Variants in METTL3 observed in about 807,000 individuals in gnomAD.
METTL3 encodes methyltransferase 3, N6-adenosine-methyltransferase complex catalytic subunit, also known as N(6)-adenosine-methyltransferase catalytic subunit METTL3.
METTL3 carries 42 observed loss-of-function variants against 64.3 expected under a neutral mutation model. That is an observed-to-expected ratio of 0.65 (90% CI 0.51 to 0.84). METTL3 has a LOEUF of 0.84. METTL3 is among the 40% of genes least tolerant of loss of function. The probability of loss-of-function intolerance (pLI) is 0.00; values close to 1 mark genes in which losing one functional copy is unlikely to be tolerated. For synonymous variants in METTL3, 256 were observed against 263.6 expected, an observed-to-expected ratio of 0.97 and a Z score of 0.28; for missense variants, 435 against 722.3, an observed-to-expected ratio of 0.60 and a Z score of 4.56.
At chr14:21,499,394 T>G (rs1347359374) in intron 8 of METTL3, 23 bp from the exon 9 acceptor site, 2 of 1,613,814 alleles carry the variant, frequency 1.2e-6, no homozygotes, top group East Asian at 2.2e-5. Context: ...GATAACAGAT[T>G]ACCTTATGAA....
chr14:21,503,646 ACT>A lies in METTL3; in HGVS notation c.318+16_318+17del, dbSNP rs774014676. 1.8e-5 allele frequency: 29 copies of A among 1,613,894 alleles called. No homozygotes were observed. The Middle Eastern group carries it at 6.6e-4, about 37-fold the overall frequency. On this transcript the variant is annotated intron_variant, in intron 2 of 10. Coordinates refer to ENST00000298717, the MANE Select transcript of METTL3 (RefSeq NM_019852.5). ...AACTGAAAATAAGTGGTAAATCCTA[ACT>A]CTGTCAGGTCATTACCGTGGAGATG...
Position 21,503,281 on chromosome 14 carries a change from T to C in METTL3, c.615A>G (p.Pro205=). Residue 205 remains proline, a synonymous_variant, in exon 3 of 11, where the codon CCA becomes CCG. Transcript: ENST00000298717. The stretch of plus-strand genomic sequence containing the variant: ...TTGATTTCTTGGCTGGCTCCTTTGC[T>C]GGTTCCGATGCTGAAGAGTTCAGAC... ...VSGLNSSASE[P]AKEPAKKSRK... 2 of 1,614,208 alleles carry C rather than the reference T, an allele frequency of 1.2e-6. No individual in the cohort carries two copies. The highest frequency in any genetic ancestry group is 1.7e-6 in the Non-Finnish European group (2 of 1,180,036).
chr14:21,498,311 G>A lies in METTL3; in HGVS notation c.1690C>T (p.Arg564Trp), dbSNP rs200568556. 18 of 1,613,986 alleles carry A rather than the reference G, an allele frequency of 1.1e-5. No individual in the cohort carries two copies. In the African/African-American group the frequency reaches 1.2e-4, roughly 11 times the overall value. The part of the protein sequence containing the change: ...IHLLDPDVVA[R>W]FKQRYPDGII... ...CCATCTGGGTACCTTTGCTTGAACC[G>A]TGCAACCACATCTGGGTCTAGTAGG... Residue 564 changes from arginine to tryptophan, a missense_variant, in exon 11 of 11, where the codon CGG becomes TGG. Arg to Trp is a moderately radical substitution (Grantham distance 101). Coordinates refer to ENST00000298717, the MANE Select transcript of METTL3 (RefSeq NM_019852.5).
rs1170387466 is a variant in METTL3 at position 21,501,795 on chromosome 14, A to G, written c.832T>C (p.Tyr278His). The stretch of plus-strand genomic sequence containing the variant: ...TTCATGCACTCCTCCTTGGTTCCAT[A>G]GTCACAGAATTCTTGCACTTGGGCC... ...GRAQVQEFCD[Y>H]GTKEECMKAS... The change falls in exon 4 of 11, where the codon TAT becomes CAT. Residue 278 changes from tyrosine to histidine, a missense_variant. Tyr to His is a moderately conservative substitution (Grantham distance 83). Coordinates refer to ENST00000298717, the MANE Select transcript of METTL3 (RefSeq NM_019852.5). 6.2e-6 allele frequency: 10 copies of G among 1,614,058 alleles called. No homozygotes were observed. The highest frequency in any genetic ancestry group is 8.5e-6 in the Non-Finnish European group (10 of 1,180,030).
intron 1 of METTL3, among the ~76,000 whole-genome samples, chr14:21,508,604 G>A (rs1227491261): frequency 6.6e-6 from 1 of 152,106 alleles, no homozygotes; most frequent in Non-Finnish European, 1.5e-5. Flanking sequence ...AAAGTATAAA[G>A]AAGTATGATG....
intron 1 of METTL3, chr14:21,504,240 G>T: frequency 4.5e-6 from 1 of 220,640 alleles, no homozygotes; most frequent in Admixed American, 5.2e-5. Flanking sequence ...AACAACCTAG[G>T]CTGGGATCCA....
chr14:21,502,665 G>A (rs1479470506), intron 3 of METTL3: 3 of 155,602 alleles, frequency 1.9e-5, no homozygotes, highest in East Asian at 1.9e-4. Flanking sequence ...TCAAACTCAC[G>A]CACTAGAAGT....
At chr14:21,501,504 G>A (rs997200530) in intron 4 of METTL3, 7 of 601,306 alleles carry the variant, frequency 1.2e-5, no homozygotes, top group Non-Finnish European at 2.0e-5. Flanking sequence ...GCTATTCTAA[G>A]AGGGAGGGAG....
chr14:21,503,159 C>T lies in METTL3; in HGVS notation c.723+14G>A. On this transcript the variant is annotated intron_variant, in intron 3 of 10. Transcript: ENST00000298717. The stretch of plus-strand genomic sequence containing the variant: ...TAAGAGCATATTGTGAGAGTATTTT[C>T]ACATGACCCCTACCTTCTTGCTCTG... 6.3e-7 allele frequency: 1 copy of T among 1,593,446 alleles called. No homozygotes were observed. The highest frequency in any genetic ancestry group is 8.5e-7 in the Non-Finnish European group (1 of 1,170,260).
Position 21,511,336 on chromosome 14 carries a change from A to C in METTL3, c.-113T>G, listed in dbSNP as rs774276436. 1 of 1,464,108 alleles carries C rather than the reference A, an allele frequency of 6.8e-7. No homozygotes were observed. The highest frequency in any genetic ancestry group is 9.1e-7 in the Non-Finnish European group (1 of 1,101,856). The allele number at this position is 1,464,108 out of a possible 1,614,324, so 90.7% of individuals were successfully genotyped here. ...CGCGGACACCCCGAAGGCTAACCGG[A>C]AAATGACCCCTGGAGCTGAGCAAGA... On this transcript the variant is annotated 5_prime_UTR_variant, in exon 1 of 11. Transcript: ENST00000298717.
intron 1 of METTL3, among the ~76,000 whole-genome samples, chr14:21,510,383 A>G (rs1298217235): frequency 1.3e-5 from 2 of 152,234 alleles, no homozygotes; most frequent in Non-Finnish European, 2.9e-5. Context: ...ACAATCTACC[A>G]CAAAGGTGAT....
At chr14:21,499,231 G>T in intron 9 of METTL3, 75 bp downstream of exon 9, 6 of 1,592,604 alleles carry the variant, frequency 3.8e-6, no homozygotes, top group Non-Finnish European at 5.2e-6. Flanking sequence ...AAAAATCTGG[G>T]ATGAGAATAC....
chr14:21,511,246 C>T lies in METTL3; in HGVS notation c.-23G>A. On this transcript the variant is annotated 5_prime_UTR_variant, in exon 1 of 11. Coordinates refer to ENST00000298717, the MANE Select transcript of METTL3 (RefSeq NM_019852.5). ...CATCCTAGTCTCCCAGCCCTGACAC[C>T]TCTCGAATAAGGCGCGGCGGACTAG... 1.9e-6 allele frequency: 3 copies of T among 1,609,496 alleles called. No homozygotes were observed. The highest frequency in any genetic ancestry group is 2.5e-6 in the Non-Finnish European group (3 of 1,178,044).
intron 1 of METTL3, among the ~76,000 whole-genome samples, chr14:21,509,261 G>A (rs1278686804): frequency 6.6e-6 from 1 of 152,172 alleles, no homozygotes; most frequent in African/African-American, 2.4e-5. Flanking sequence ...GATCGCTGGA[G>A]CCCGGGAAGT....
chr14:21,511,009 C>T (rs2139653474), intron 1 of METTL3, 115 bp downstream of exon 1: 1 of 1,227,588 alleles, frequency 8.1e-7, no homozygotes, highest in Non-Finnish European at 1.1e-6. Context: ...TACCAATGTA[C>T]GAGGCTTTAT....
Position 21,499,814 on chromosome 14 carries a change from T to G in METTL3, c.1305-12A>C, listed in dbSNP as rs746285761. On this transcript the variant is annotated splice_polypyrimidine_tract_variant and intron_variant, in intron 6 of 10. Transcript: ENST00000298717. Reference sequence around the variant, plus strand: ...CCAACTCCATGGCCCTAGAAAGAAATGAGTTAAACAACTATTTGTATGCCC... The same window carrying G: ...CCAACTCCATGGCCCTAGAAAGAAAGGAGTTAAACAACTATTTGTATGCCC... The G allele has an allele frequency of 2.5e-6, 4 of 1,611,700 alleles. No homozygotes were observed. Among genetic ancestry groups the G allele is most frequent in the African/African-American group, 1.3e-5 (1 of 74,822 alleles).
intron 1 of METTL3, chr14:21,510,640 C>G (rs1423269589): frequency 6.5e-6 from 1 of 152,804 alleles, no homozygotes; most frequent in South Asian, 2.0e-4. Flanking sequence ...TCAGAAACAC[C>G]CAGTGCCACT....
At chr14:21,504,480 G>A (rs1467778637) in intron 1 of METTL3, 1 of 152,252 alleles carries the variant, frequency 6.6e-6, no homozygotes, top group African/African-American at 2.4e-5. Context: ...ATAACGATTT[G>A]AGAAACTAAA....
intron 1 of METTL3, chr14:21,507,882 T>C (rs1361036809): frequency 3.3e-5 from 5 of 152,182 alleles, no homozygotes; most frequent in African/African-American, 4.8e-5. Context: ...CTTTACCTAT[T>C]ACCACAGTAC....
Sources: allele counts gnomAD v4.1 joint callset (sites outside exome capture counted in the v4.1 genomes callset), GRCh38; gene constraint gnomAD v4.1.1; transcripts MANE v1.5; gene names NCBI Gene and HGNC (gene_info 2026-07-23, HGNC 2026-07-21).